NTRK2: variants seen among roughly 807,000 people sequenced by gnomAD.
NTRK2 encodes the protein BDNF/NT-3 growth factors receptor.
NTRK2 carries 13 observed loss-of-function variants against 94.5 expected under a neutral mutation model. That is an observed-to-expected ratio of 0.14 (90% CI 0.09 to 0.22). The LOEUF (loss-of-function observed/expected upper bound fraction) is 0.22. Among genes scored for constraint, NTRK2 ranks in the 10% least tolerant of loss-of-function variants. The pLI is 1.00. For missense variants in NTRK2, 639 were observed against 1,071.2 expected, an observed-to-expected ratio of 0.60 and a Z score of 5.63; for synonymous variants, 372 against 407.4, an observed-to-expected ratio of 0.91 and a Z score of 1.05.
In NTRK2 at chr9:84,707,895, C is replaced by T; in HGVS notation, c.411C>T (p.His137=). 5.6e-6 allele frequency: 9 copies of T among 1,612,640 alleles called. No individual in the cohort carries two copies. The highest frequency in any genetic ancestry group is 7.6e-6 in the Non-Finnish European group (9 of 1,179,054). ...GTTTGTCTAGGAAACATTTCCGTCA[C>T]CTTGACTTGTCTGAACTGTAAGTAA... ...LTSLSRKHFR[H]LDLSELILVG... Residue 137 remains histidine (H), a synonymous_variant, in exon 5 of 19, where the codon CAC becomes CAT. Transcript: ENST00000277120.
intron 17 of NTRK2, among the ~76,000 whole-genome samples, chr9:85,000,377 C>A (rs1226017823): frequency 6.6e-6 from 1 of 152,110 alleles, no homozygotes; most frequent in African/African-American, 2.4e-5. Context: ...CCCTAAAAAT[C>A]CTCCGTGTGT....
At chr9:84,871,445 G>A (rs2075862508) in intron 14 of NTRK2, among the ~76,000 whole-genome samples, 1 of 152,192 alleles carries the variant, frequency 6.6e-6, no homozygotes, top group Non-Finnish European at 1.5e-5. Context: ...GATACTCTGA[G>A]TTAGACTTGA....
chr9:84,880,827 T>C (rs1400423149), intron 14 of NTRK2, among the ~76,000 whole-genome samples: 3 of 152,260 alleles, frequency 2.0e-5, no homozygotes, highest in Admixed American at 6.5e-5. Context: ...TGAATAATTA[T>C]TTTCTGACTC....
chr9:84,692,497 G>C (rs1014147591), intron 2 of NTRK2, among the ~76,000 whole-genome samples: 2 of 107,360 alleles, frequency 1.9e-5, no homozygotes, highest in Non-Finnish European at 3.4e-5. Context: ...TTGAGACAGA[G>C]TCTCACTTTG....
At chr9:84,795,662 C>G (rs1317241102) in intron 12 of NTRK2, among the ~76,000 whole-genome samples, 2 of 152,160 alleles carry the variant, frequency 1.3e-5, no homozygotes, top group South Asian at 4.1e-4. Flanking sequence ...CCTGAGGGTT[C>G]GGGCCCCCAC....
chr9:84,835,379 C>A (rs1283116057), intron 12 of NTRK2, among the ~76,000 whole-genome samples: 1 of 152,038 alleles, frequency 6.6e-6, no homozygotes, highest in Admixed American at 6.6e-5. Flanking sequence ...ATTCTGTCAG[C>A]GAAATGAGCC....
intron 9 of NTRK2, among the ~76,000 whole-genome samples, chr9:84,738,867 A>G (rs879427394): frequency 4.6e-5 from 7 of 152,170 alleles, no homozygotes; most frequent in African/African-American, 1.4e-4. Context: ...TTGTGGACAA[A>G]AGTAAAGTGA....
chr9:84,966,399 A>T (rs934379507), intron 17 of NTRK2, among the ~76,000 whole-genome samples: 1 of 152,114 alleles, frequency 6.6e-6, no homozygotes, highest in South Asian at 2.1e-4. Flanking sequence ...GCTGAGTCTG[A>T]TGTCCAGCCA....
chr9:84,881,995 G>T (rs895828744), intron 14 of NTRK2, among the ~76,000 whole-genome samples: 2 of 152,160 alleles, frequency 1.3e-5, no homozygotes, highest in African/African-American at 4.8e-5. Context: ...GGGTATTCTT[G>T]TTACTTTAAT....
chr9:84,746,543 A>G (rs1669685761), intron 11 of NTRK2, among the ~76,000 whole-genome samples: 1 of 152,032 alleles, frequency 6.6e-6, no homozygotes, highest in Admixed American at 6.5e-5. Flanking sequence ...TGTTGTTATA[A>G]TTCTCAGAGT....
At chr9:84,736,377 G>A (rs745742462) in intron 9 of NTRK2, among the ~76,000 whole-genome samples, 3 of 152,130 alleles carry the variant, frequency 2.0e-5, no homozygotes, top group African/African-American at 7.2e-5. Flanking sequence ...CTGTTTTATC[G>A]AAAGATTCAT....
At chr9:84,798,346 C>G (rs2133341357) in intron 12 of NTRK2, among the ~76,000 whole-genome samples, 1 of 152,260 alleles carries the variant, frequency 6.6e-6, no homozygotes, top group South Asian at 2.1e-4. Flanking sequence ...TAGGAGGACA[C>G]ACACATTCAG....
intron 2 of NTRK2, among the ~76,000 whole-genome samples, chr9:84,699,756 A>T (rs540916264): frequency 6.6e-6 from 1 of 150,658 alleles, no homozygotes; most frequent in East Asian, 2.0e-4. Context: ...TTATTTTTAA[A>T]TTGTTTTTTT....
At chr9:84,877,706 C>G (rs2132171861) in intron 14 of NTRK2, 1 of 1,060,748 alleles carries the variant, frequency 9.4e-7, no homozygotes, top group South Asian at 4.6e-5. Context: ...GGACCTAACA[C>G]ATGACTTGCA....
At chr9:84,857,497 AG>A (rs370356623) in intron 12 of NTRK2, among the ~76,000 whole-genome samples, 137 of 152,322 alleles carry the variant, frequency 9.0e-4, no homozygotes, top group African/African-American at 3.2e-3. Flanking sequence ...TTAGTGTTAA[AG>A]TTTTAAGACG....
chr9:84,929,407 G>C (rs1232660308), intron 14 of NTRK2, among the ~76,000 whole-genome samples: 12 of 152,254 alleles, frequency 7.9e-5, no homozygotes, highest in African/African-American at 2.9e-4. Context: ...GAGTTTGGTG[G>C]TGTATTTCCT....
At chr9:84,785,974 AT>A (rs2068075254) in intron 12 of NTRK2, among the ~76,000 whole-genome samples, 2 of 152,160 alleles carry the variant, frequency 1.3e-5, no homozygotes, top group African/African-American at 4.8e-5. Context: ...GTGCACCAGA[AT>A]TTATTGCAAC....
At chr9:85,003,155 G>A (rs569995568) in intron 17 of NTRK2, among the ~76,000 whole-genome samples, 2 of 152,306 alleles carry the variant, frequency 1.3e-5, no homozygotes, top group African/African-American at 4.8e-5. Context: ...GTGCTAAGGT[G>A]AAACATGAAA....
intron 14 of NTRK2, chr9:84,873,362 G>T: frequency 9.4e-7 from 1 of 1,058,704 alleles, no homozygotes; most frequent in South Asian, 4.6e-5. Flanking sequence ...TTAGGACAGA[G>T]AATGCACTTA....
Sources: gnomAD v4.1 joint callset for allele counts (sites outside exome capture counted in the v4.1 genomes callset) on GRCh38, gnomAD v4.1.1 for gene constraint, MANE v1.5 for transcripts, NCBI Gene and HGNC (gene_info 2026-07-23, HGNC 2026-07-21) for gene names.